The following GRB2 variants were observed in gnomAD, a reference collection of about 807,000 sequenced individuals.
GRB2 encodes the protein growth factor receptor bound protein 2.
GRB2 carries 2 observed loss-of-function variants against 27.4 expected under a neutral mutation model. The observed-to-expected ratio is 0.07, with a 90% CI of 0.03 to 0.23. The LOEUF (loss-of-function observed/expected upper bound fraction) is 0.23, where lower values mean the gene tolerates loss of function less well. GRB2 is among the 10% of genes least tolerant of loss of function. GRB2 has a pLI of 1.00. For missense variants in GRB2, 102 were observed against 282.4 expected (o/e 0.36, Z 4.58); for synonymous variants, 94 against 99.6 (o/e 0.94, Z 0.33).
intron 2 of GRB2, among the ~76,000 whole-genome samples, chr17:75,369,364 T>C (rs1478019708): frequency 2.6e-5 from 4 of 152,082 alleles, no homozygotes; most frequent in Non-Finnish European, 4.4e-5. Flanking sequence ...TATAGGAAAA[T>C]TGAAGGTTTC....
At chr17:75,338,348 A>G (rs1165281624) in intron 2 of GRB2, among the ~76,000 whole-genome samples, 1 of 152,166 alleles carries the variant, frequency 6.6e-6, no homozygotes, top group Non-Finnish European at 1.5e-5. Flanking sequence ...TACAGGCATG[A>G]GCCACCGTGC....
chr17:75,336,584 C>G, intron 2 of GRB2, among the ~76,000 whole-genome samples: 1 of 152,104 alleles, frequency 6.6e-6, no homozygotes, highest in Admixed American at 6.6e-5. Context: ...AAAGTGTCCC[C>G]TCCCCCAACA....
chr17:75,400,734 C>T (rs898568966), intron 1 of GRB2, among the ~76,000 whole-genome samples: 2 of 151,884 alleles, frequency 1.3e-5, no homozygotes, highest in African/African-American at 4.8e-5. Context: ...GGCTGGTCTC[C>T]AACCTCAAGT....
chr17:75,341,578 A>G (rs1164486840), intron 2 of GRB2, among the ~76,000 whole-genome samples: 1 of 152,060 alleles, frequency 6.6e-6, no homozygotes, highest in Non-Finnish European at 1.5e-5. Flanking sequence ...TTTAAAGGAA[A>G]AGAAGAAAAA....
chr17:75,386,495 G>C (rs1346007485), intron 2 of GRB2, among the ~76,000 whole-genome samples: 1 of 152,176 alleles, frequency 6.6e-6, no homozygotes, highest in African/African-American at 2.4e-5. Flanking sequence ...CAGTGAGAAA[G>C]ACAATATTGG....
intron 2 of GRB2, among the ~76,000 whole-genome samples, chr17:75,341,342 AGAATCGC>A (rs1299181031): frequency 6.7e-6 from 1 of 148,360 alleles, no homozygotes; most frequent in Non-Finnish European, 1.5e-5. Context: ...CTGAGGCAGG[AGAATCGC>A]TTGGAGGCAG....
Position 75,318,326 on chromosome 17 carries a change from AAG to A in GRB2, c.*2040_*2041del, listed in dbSNP as rs894283032. 2.1e-4 allele frequency: 32 copies of A among 152,188 alleles called. 1 individual carries two copies. Among genetic ancestry groups the A allele is most frequent in the African/African-American group, 6.3e-4 (26 of 41,434 alleles). The allele number at this position is 152,188 out of a possible 1,614,324, so 9.4% of individuals were successfully genotyped here. On this transcript the variant is annotated 3_prime_UTR_variant, in exon 6 of 6. Transcript: ENST00000316804. The stretch of plus-strand genomic sequence containing the variant: ...CGAGGAAAAGAGAAGCAGGATGAGG[AAG>A]AGTGAGGGAAGGCGGGGACAGGCTC...
chr17:75,378,123 C>T (rs1181978064), intron 2 of GRB2, among the ~76,000 whole-genome samples: 2 of 151,990 alleles, frequency 1.3e-5, no homozygotes, highest in South Asian at 2.1e-4. Context: ...CAGTGGCTCA[C>T]GCCTGTAATT....
chr17:75,392,419 T>G (rs1048800175), intron 2 of GRB2, among the ~76,000 whole-genome samples: 3 of 152,174 alleles, frequency 2.0e-5, no homozygotes, highest in Admixed American at 6.6e-5. Context: ...TACTGGGCAG[T>G]TAACTTCAGA....
chr17:75,323,958 T>C (rs1199936653), intron 4 of GRB2, among the ~76,000 whole-genome samples: 1 of 151,810 alleles, frequency 6.6e-6, no homozygotes, highest in Non-Finnish European at 1.5e-5. Flanking sequence ...TACAGGCATG[T>C]GCCACCACGC....
chr17:75,389,952 T>C (rs913396836), intron 2 of GRB2, among the ~76,000 whole-genome samples: 12 of 152,234 alleles, frequency 7.9e-5, no homozygotes, highest in African/African-American at 2.7e-4. Context: ...CTCAATTCTC[T>C]TACTTGAGAT....
chr17:75,367,283 A>G (rs571524781), intron 2 of GRB2, among the ~76,000 whole-genome samples: 1 of 152,028 alleles, frequency 6.6e-6, no homozygotes, highest in South Asian at 2.1e-4. Flanking sequence ...CGATCCTCCC[A>G]CCTCAGCCTC....
At chr17:75,350,856 G>A (rs754511913) in intron 2 of GRB2, among the ~76,000 whole-genome samples, 2 of 152,094 alleles carry the variant, frequency 1.3e-5, no homozygotes, top group Non-Finnish European at 2.9e-5. Flanking sequence ...GCTTGGGGAC[G>A]GGCATTGAGG....
At chr17:75,393,209 A>T (rs1340340200) in intron 2 of GRB2, among the ~76,000 whole-genome samples, 2 of 152,218 alleles carry the variant, frequency 1.3e-5, no homozygotes, top group Admixed American at 6.5e-5. Flanking sequence ...GGGTCTTTTT[A>T]AAAAATGCTA....
intron 2 of GRB2, among the ~76,000 whole-genome samples, chr17:75,352,962 G>A (rs1406827469): frequency 6.6e-6 from 1 of 151,626 alleles, no homozygotes; most frequent in African/African-American, 2.4e-5. Flanking sequence ...GAGGTGGGTG[G>A]ATCAGAAGGT....
intron 1 of GRB2, among the ~76,000 whole-genome samples, chr17:75,398,188 C>CA (rs2079040978): frequency 1.3e-5 from 2 of 152,070 alleles, no homozygotes; most frequent in African/African-American, 4.8e-5. Flanking sequence ...TTAAAACAAT[C>CA]AGAGTTTTCA....
At chr17:75,365,001 T>C (rs1002410357) in intron 2 of GRB2, among the ~76,000 whole-genome samples, 27 of 152,328 alleles carry the variant, frequency 1.8e-4, no homozygotes, top group Middle Eastern at 6.8e-3. Flanking sequence ...TTTTATTTGG[T>C]AGTTTTGAGC....
chr17:75,375,687 T>C (rs999851288), intron 2 of GRB2, among the ~76,000 whole-genome samples: 1 of 149,970 alleles, frequency 6.7e-6, no homozygotes, highest in African/African-American at 2.5e-5. Flanking sequence ...TTTGAGACCA[T>C]CTTGGCAAAT....
At chr17:75,343,089 G>A (rs2078632418) in intron 2 of GRB2, among the ~76,000 whole-genome samples, 1 of 146,006 alleles carries the variant, frequency 6.8e-6, no homozygotes, top group Non-Finnish European at 1.5e-5. Context: ...AGGAGTGGGG[G>A]TGGGTGGGTA....
Sources: allele counts gnomAD v4.1 joint callset (sites outside exome capture counted in the v4.1 genomes callset), GRCh38; gene constraint gnomAD v4.1.1; transcripts MANE v1.5; gene names NCBI Gene and HGNC (gene_info 2026-07-23, HGNC 2026-07-21).